The following RANBP17 variants were observed in gnomAD, a reference collection of about 807,000 sequenced individuals.
RANBP17 encodes RAN binding protein 17.
Under a neutral mutation model 141.2 loss-of-function variants are expected in RANBP17, and 158 were observed. The observed-to-expected ratio is 1.12, with a 90% CI of 0.98 to 1.28. RANBP17 has a LOEUF of 1.28. RANBP17 is among the 50% of genes most tolerant of loss of function. RANBP17 has a pLI of 0.00. For missense variants in RANBP17, 1,438 were observed against 1,290.7 expected (o/e 1.11, Z -1.75); for synonymous variants, 430 against 450.0 (o/e 0.96, Z 0.56).
At chr5:171,253,889 T>C (rs576502273) in intron 24 of RANBP17, among the ~76,000 whole-genome samples, 10 of 152,214 alleles carry the variant, frequency 6.6e-5, no homozygotes, top group Non-Finnish European at 1.3e-4. Flanking sequence ...ATATTTGTCC[T>C]TTTATTATGG....
intron 14 of RANBP17, among the ~76,000 whole-genome samples, chr5:171,136,234 A>C (rs995826356): frequency 2.0e-5 from 3 of 152,176 alleles, no homozygotes; most frequent in African/African-American, 7.2e-5. Flanking sequence ...AGTATTAATC[A>C]CAAATTTTTT....
At chr5:171,171,787 A>G (rs80219953) in intron 16 of RANBP17, among the ~76,000 whole-genome samples, 10,016 of 152,012 alleles carry the variant, frequency 0.066, 443 homozygotes, top group East Asian at 0.12. Flanking sequence ...TACAAAGAAA[A>G]TAAGTTTTTT....
chr5:170,872,935 G>A (rs528923721), intron 1 of RANBP17, among the ~76,000 whole-genome samples: 8 of 151,582 alleles, frequency 5.3e-5, no homozygotes, highest in African/African-American at 9.7e-5. Flanking sequence ...TTTTTAAGAC[G>A]GAGTCTTACT....
intron 14 of RANBP17, among the ~76,000 whole-genome samples, chr5:171,065,681 T>C (rs1784269639): frequency 6.6e-6 from 1 of 152,168 alleles, no homozygotes; most frequent in African/African-American, 2.4e-5. Context: ...TGTAATTGGA[T>C]CTAATTCTAG....
chr5:171,251,843 C>T (rs1013105207), intron 24 of RANBP17: 2 of 1,338,738 alleles, frequency 1.5e-6, no homozygotes, highest in East Asian at 4.6e-5. Context: ...TCCAAATTCG[C>T]TTCCATCTGT....
At chr5:171,070,044 T>G (rs72827536) in intron 14 of RANBP17, among the ~76,000 whole-genome samples, 4,299 of 152,254 alleles carry the variant, frequency 0.028, 99 homozygotes, top group Non-Finnish European at 0.04. Flanking sequence ...ACAAAATTTC[T>G]AAAACATGGC....
chr5:170,932,081 A>C (rs568978510), intron 12 of RANBP17, among the ~76,000 whole-genome samples: 4,600 of 151,914 alleles, frequency 0.03, 233 homozygotes, highest in African/African-American at 0.1. Context: ...CTTTTATTTC[A>C]CTGAGCAGTG....
At chr5:171,083,412 T>C (rs968039) in intron 14 of RANBP17, among the ~76,000 whole-genome samples, 96,853 of 151,912 alleles carry the variant, frequency 0.64, 31,619 homozygotes, top group South Asian at 0.88. Flanking sequence ...TATGCTGGCA[T>C]CCTTATATTG....
At chr5:171,132,748 GTC>G (rs1318043303) in intron 14 of RANBP17, among the ~76,000 whole-genome samples, 1 of 151,988 alleles carries the variant, frequency 6.6e-6, no homozygotes, top group Non-Finnish European at 1.5e-5. Flanking sequence ...TTCATTTGAA[GTC>G]CTTTCATTCA....
chr5:171,270,547 G>A (rs1050933501), intron 25 of RANBP17, among the ~76,000 whole-genome samples: 1 of 152,002 alleles, frequency 6.6e-6, no homozygotes, highest in Non-Finnish European at 1.5e-5. Context: ...ACAATAATTC[G>A]GAAGACAACA....
Position 170,892,391 on chromosome 5 carries a change from C to A in RANBP17, c.261C>A (p.Asn87Lys). 1.4e-6 allele frequency: 2 copies of A among 1,435,110 alleles called. No homozygotes were observed. Among genetic ancestry groups the A allele is most frequent in the Non-Finnish European group, 1.9e-6 (2 of 1,070,594 alleles). The allele number at this position is 1,435,110 out of a possible 1,614,324, so 88.9% of individuals were successfully genotyped here. A position where few individuals can be genotyped will look rare whatever the true frequency, so the allele number is the denominator to read the frequency against. Residue 87 changes from asparagine to lysine, a missense_variant, in exon 4 of 28, where the codon AAC becomes AAA. Physicochemically the swap from Asn to Lys is moderately conservative, Grantham distance 94. Coordinates refer to ENST00000523189, the MANE Select transcript of RANBP17 (RefSeq NM_022897.5). ...LPVEQRMDIR[N>K]YILNYVASQP... ...CATGGAGTGTTTTCTTTGTAGGAAA[C>A]TACATTCTGAATTACGTGGCATCAC... is the stretch of plus-strand genomic sequence containing the variant.
intron 14 of RANBP17, among the ~76,000 whole-genome samples, chr5:171,039,298 A>G (rs560242715): frequency 4.8e-4 from 69 of 143,274 alleles, no homozygotes; most frequent in African/African-American, 1.7e-3. Context: ...CTGGTGTGAC[A>G]TGGTTTTGAT....
intron 22 of RANBP17, among the ~76,000 whole-genome samples, chr5:171,224,938 C>T (rs1763802259): frequency 6.6e-6 from 1 of 152,150 alleles, no homozygotes; most frequent in Non-Finnish European, 1.5e-5. Flanking sequence ...AAGTTGTAAG[C>T]CTCTCTTGCT....
intron 14 of RANBP17, among the ~76,000 whole-genome samples, chr5:171,114,182 G>GT (rs1408144565): frequency 6.6e-6 from 1 of 152,048 alleles, no homozygotes; most frequent in Non-Finnish European, 1.5e-5. Flanking sequence ...TGTACAAAAA[G>GT]TTTGAGAACT....
At chr5:171,030,420 G>A (rs768418916) in intron 14 of RANBP17, among the ~76,000 whole-genome samples, 3 of 151,850 alleles carry the variant, frequency 2.0e-5, no homozygotes, top group Non-Finnish European at 2.9e-5. Context: ...TTTCTATCTC[G>A]TTATGTTTGT....
chr5:170,888,192 T>C (rs1032979348), intron 3 of RANBP17, among the ~76,000 whole-genome samples: 2 of 152,216 alleles, frequency 1.3e-5, no homozygotes, highest in Non-Finnish European at 2.9e-5. Context: ...TTCGGTATTG[T>C]GTTGGCTTTT....
At chr5:171,199,141 C>T (rs557363032) in intron 18 of RANBP17, among the ~76,000 whole-genome samples, 7 of 152,032 alleles carry the variant, frequency 4.6e-5, no homozygotes, top group African/African-American at 1.7e-4. Flanking sequence ...ATTTAAAATC[C>T]AAATGACCCA....
At chr5:170,888,024 A>C (rs1481818352) in intron 3 of RANBP17, among the ~76,000 whole-genome samples, 1 of 152,212 alleles carries the variant, frequency 6.6e-6, no homozygotes, top group Non-Finnish European at 1.5e-5. Context: ...ACAGACATTC[A>C]AACTGTAGCT....
chr5:170,887,302 AC>A (rs1429240936), intron 3 of RANBP17, among the ~76,000 whole-genome samples: 2 of 152,192 alleles, frequency 1.3e-5, no homozygotes, highest in Non-Finnish European at 2.9e-5. Flanking sequence ...GACAAAGTTT[AC>A]CTTATTCATT....
Sources: allele counts gnomAD v4.1 joint callset (sites outside exome capture counted in the v4.1 genomes callset), GRCh38; gene constraint gnomAD v4.1.1; transcripts MANE v1.5; gene names NCBI Gene and HGNC (gene_info 2026-07-23, HGNC 2026-07-21).